The following JAKMIP3 variants were observed in gnomAD, a reference collection of about 807,000 sequenced individuals.
JAKMIP3 encodes Janus kinase and microtubule interacting protein 3, also known as janus kinase and microtubule-interacting protein 3.
A neutral mutation model predicts 118.5 loss-of-function variants in JAKMIP3; 58 were observed. That is an observed-to-expected ratio of 0.49 (90% CI 0.40 to 0.61). The LOEUF is 0.61. JAKMIP3 is among the 20% of genes least tolerant of loss of function. The pLI is 0.00. For missense variants in JAKMIP3, 950 were observed against 1,109.0 expected, an observed-to-expected ratio of 0.86 and a Z score of 2.04; for synonymous variants, 486 against 451.2, an observed-to-expected ratio of 1.08 and a Z score of -0.98.
At position 132,183,463 on chromosome 10, in the gene JAKMIP3, T is replaced by C. The variant is rs2061635521; in HGVS notation, c.*2210T>C. On this transcript the variant is annotated 3_prime_UTR_variant, in exon 24 of 24. Transcript: ENST00000684848. Reference sequence around the variant, plus strand: ...TTGTATATATGTCTGGAGCACTTCATACACCTCTATCCACCACAGACACTC... The same window carrying C: ...TTGTATATATGTCTGGAGCACTTCACACACCTCTATCCACCACAGACACTC... 6.6e-6 allele frequency: 1 copy of C among 152,166 alleles called. No individual in the cohort carries two copies. The highest frequency in any genetic ancestry group is 1.9e-4 in the East Asian group (1 of 5,178). The allele number at this position is 152,166 out of a possible 1,614,324, so 9.4% of individuals were successfully genotyped here.
At chr10:132,134,929 T>A in intron 4 of JAKMIP3, 112 bp from the exon 5 acceptor site, 1 of 1,332,326 alleles carries the variant, frequency 7.5e-7, no homozygotes, top group Admixed American at 2.1e-5. Context: ...CGCGTGGAGG[T>A]AAAGGCGCGC....
At chr10:132,080,490 G>T (rs2041587192) in intron 1 of JAKMIP3, among the ~76,000 whole-genome samples, 1 of 88,830 alleles carries the variant, frequency 1.1e-5, no homozygotes, top group Non-Finnish European at 2.4e-5. Flanking sequence ...TTTTCTTGCT[G>T]TCAAGTTATA....
chr10:132,145,301 C>T (rs909650163), intron 12 of JAKMIP3, 111 bp downstream of exon 12: 5 of 1,017,048 alleles, frequency 4.9e-6, no homozygotes, highest in Non-Finnish European at 4.4e-6. Flanking sequence ...ACAGCCTTGA[C>T]CTCCTGGGCT....
intron 1 of JAKMIP3, among the ~76,000 whole-genome samples, chr10:132,039,011 C>T (rs938399548): frequency 3.3e-5 from 5 of 152,118 alleles, no homozygotes; most frequent in Admixed American, 6.5e-5. Context: ...TGAGGCCACA[C>T]GGGGAACCAG....
intron 2 of JAKMIP3, among the ~76,000 whole-genome samples, chr10:132,106,607 A>C (rs1295946794): frequency 1.4e-4 from 21 of 152,210 alleles, no homozygotes; most frequent in Non-Finnish European, 1.2e-4. Flanking sequence ...GGACACGATC[A>C]GTAAATGTGC....
intron 1 of JAKMIP3, among the ~76,000 whole-genome samples, chr10:132,097,029 G>T (rs1057467654): frequency 6.6e-6 from 1 of 152,226 alleles, no homozygotes; most frequent in East Asian, 1.9e-4. Context: ...CAGGAGAGAC[G>T]CCACGGCGAG....
upstream of JAKMIP3, among the ~76,000 whole-genome samples, chr10:132,065,862 C>T (rs1391572851): frequency 1.3e-5 from 2 of 152,094 alleles, no homozygotes; most frequent in Non-Finnish European, 2.9e-5. This position sits in a 1 kb window ranked among gnomAD's most constrained non-coding sequence, Gnocchi z 5.6. Flanking sequence ...GGAAACAGCT[C>T]GGGGAAATGG....
At chr10:132,084,797 T>A (rs1015829428) in intron 1 of JAKMIP3, among the ~76,000 whole-genome samples, 1 of 152,208 alleles carries the variant, frequency 6.6e-6, no homozygotes, top group African/African-American at 2.4e-5. Context: ...ATGCTAGATT[T>A]TGTCTAATGC....
chr10:132,138,277 G>A lies in JAKMIP3; in HGVS notation c.1344+99G>A. The A allele has an allele frequency of 2.7e-6, 3 of 1,092,542 alleles. No individual in the cohort carries two copies. In the Admixed American group the frequency reaches 6.2e-5, roughly 22 times the overall value. The allele number at this position is 1,092,542 out of a possible 1,614,324, so 67.7% of individuals were successfully genotyped here. On this transcript the variant is annotated intron_variant, in intron 9 of 23. Transcript: ENST00000684848. ...GAGAGCGCTGGTGTGTGCGGAGAGG[G>A]GTGCGCCGGTGTACGTGGAGGGCGC...
At chr10:132,176,522 C>T (rs1349369787) in intron 23 of JAKMIP3, among the ~76,000 whole-genome samples, 1 of 152,202 alleles carries the variant, frequency 6.6e-6, no homozygotes, top group African/African-American at 2.4e-5. Context: ...GACTTCGTGG[C>T]CCATCCCATC....
At chr10:132,132,640 C>G (rs968228317) in intron 3 of JAKMIP3, among the ~76,000 whole-genome samples, 2 of 152,246 alleles carry the variant, frequency 1.3e-5, no homozygotes, top group African/African-American at 4.8e-5. Flanking sequence ...ACCCCAAAAG[C>G]CTTGGCTCGC....
chr10:132,059,537 T>A (rs899789562), intron 1 of JAKMIP3, among the ~76,000 whole-genome samples: 25 of 152,200 alleles, frequency 1.6e-4, no homozygotes, highest in African/African-American at 6.0e-4. Flanking sequence ...TGAGGCTCTG[T>A]CCCTTTGTGG....
chr10:132,157,699 T>G (rs2057263534), intron 19 of JAKMIP3, among the ~76,000 whole-genome samples: 1 of 152,226 alleles, frequency 6.6e-6, no homozygotes, highest in Admixed American at 6.5e-5. Flanking sequence ...TTTGTAACCT[T>G]TCCCACCTCT....
At chr10:132,093,181 T>TG (rs942836223) in intron 1 of JAKMIP3, among the ~76,000 whole-genome samples, 8 of 152,192 alleles carry the variant, frequency 5.3e-5, no homozygotes, top group Non-Finnish European at 7.4e-5. Flanking sequence ...CTGCCCTTAC[T>TG]GGGGGGTGCC....
intron 3 of JAKMIP3, among the ~76,000 whole-genome samples, chr10:132,132,887 T>C (rs544487028): frequency 1.3e-5 from 2 of 152,242 alleles, no homozygotes; most frequent in Non-Finnish European, 2.9e-5. Flanking sequence ...AACTTGGCCG[T>C]GGCACCTTCC....
chr10:132,164,619 G>T (rs1333979222), intron 20 of JAKMIP3, 51 bp from the exon 21 acceptor site: 1 of 1,220,498 alleles, frequency 8.2e-7, no homozygotes, highest in Non-Finnish European at 1.2e-6. Context: ...AAGGATTTGG[G>T]TTTCCCGAGT....
intron 1 of JAKMIP3, among the ~76,000 whole-genome samples, 177 bp from the exon 2 acceptor site, chr10:132,104,495 C>T (rs116380398): frequency 0.028 from 4,211 of 152,258 alleles, 191 homozygotes; most frequent in African/African-American, 0.096. Context: ...CACCATATGG[C>T]GGGCAGATGG....
chr10:132,039,473 C>A (rs899890374), intron 1 of JAKMIP3, among the ~76,000 whole-genome samples: 6 of 151,868 alleles, frequency 4.0e-5, no homozygotes, highest in Non-Finnish European at 7.4e-5. Flanking sequence ...AAGGGCTAGA[C>A]CCTTTCTCCC....
chr10:132,161,916 GT>G lies in JAKMIP3; in HGVS notation c.2221-1292del, dbSNP rs1203251111. ...GGGGGGGCCACTTCCTGTTTGATGT[GT>G]GGGCCTCTCTCTCCACTTCCAACAG... On this transcript the variant is annotated intron_variant, in intron 19 of 23. Transcript: ENST00000684848. 1.6e-5 allele frequency among the ~76,000 whole-genome samples: 2 copies of G among 125,026 alleles called. 1 individual carries two copies. Among genetic ancestry groups the G allele is most frequent in the Non-Finnish European group, 3.9e-5 (2 of 51,538 alleles). The allele number at this position is 125,026 out of a possible 152,430, so 82.0% of individuals were successfully genotyped here.
Sources: allele counts gnomAD v4.1 joint callset (sites outside exome capture counted in the v4.1 genomes callset), GRCh38; gene constraint gnomAD v4.1.1; non-coding constraint Gnocchi (gnomAD v3.1); transcripts MANE v1.5; gene names NCBI Gene and HGNC (gene_info 2026-07-23, HGNC 2026-07-21).